Variants in TRPM3 observed in about 807,000 individuals in gnomAD.
TRPM3 encodes long transient receptor potential channel 3.
In TRPM3, 77 loss-of-function variants were observed where a neutral mutation model predicts 181.2. That is an observed-to-expected ratio of 0.42 (90% CI 0.35 to 0.51). TRPM3 has a LOEUF of 0.51. TRPM3 is among the 20% of genes least tolerant of loss of function. The pLI, the probability that TRPM3 is intolerant of heterozygous loss-of-function variation, is 0.01. For synonymous variants in TRPM3, 745 were observed against 796.4 expected, an observed-to-expected ratio of 0.94 and a Z score of 1.09; for missense variants, 1,759 against 2,196.7, an observed-to-expected ratio of 0.80 and a Z score of 3.98.
chr9:70,542,226 T>A (rs1342716960), intron 25 of TRPM3, among the ~76,000 whole-genome samples: 3 of 152,186 alleles, frequency 2.0e-5, no homozygotes, highest in African/African-American at 7.2e-5. Flanking sequence ...GAGAACTGAT[T>A]CTGATCAAAG....
intron 3 of TRPM3, among the ~76,000 whole-genome samples, chr9:70,856,154 G>C (rs1395183621): frequency 1.3e-5 from 2 of 152,178 alleles, no homozygotes; most frequent in Admixed American, 1.3e-4. Context: ...ACATTTTCTA[G>C]ACGCAAAGAT....
At chr9:71,407,160 C>T (rs536811461) in intron 1 of TRPM3, among the ~76,000 whole-genome samples, 6 of 152,284 alleles carry the variant, frequency 3.9e-5, no homozygotes, top group East Asian at 1.9e-4. Context: ...CCAGCATGAG[C>T]GACACAGAAG....
chr9:70,987,497 T>C (rs982304497), intron 1 of TRPM3, among the ~76,000 whole-genome samples: 12 of 152,294 alleles, frequency 7.9e-5, no homozygotes, highest in Admixed American at 3.3e-4. Flanking sequence ...TATGTCTTTT[T>C]CCTAAGGTCT....
chr9:71,108,509 T>C lies in TRPM3; in HGVS notation c.177+12669A>G, dbSNP rs2070279481. 1.3e-5 allele frequency among the ~76,000 whole-genome samples: 2 copies of C among 152,298 alleles called. 1 individual carries two copies. The highest frequency in any genetic ancestry group is 4.8e-5 in the African/African-American group (2 of 41,586). On this transcript the variant is annotated intron_variant, in intron 1 of 25. Transcript: ENST00000677713. ...AGCTAAATAAACAAGGGTCGACATA[T>C]CACCAAACCTTGGTTAATGAGATTT...
At chr9:71,049,900 T>G (rs1325182407) in intron 1 of TRPM3, among the ~76,000 whole-genome samples, 1 of 152,170 alleles carries the variant, frequency 6.6e-6, no homozygotes, top group South Asian at 2.1e-4. Context: ...AATAATAACC[T>G]GCTTCCAAAT....
intron 1 of TRPM3, among the ~76,000 whole-genome samples, chr9:71,032,061 TA>T (rs2057497912): frequency 1.4e-4 from 1 of 7,394 alleles, no homozygotes; most frequent in Non-Finnish European, 1.9e-4. Context: ...ATATATATTA[TA>T]TATATTATAT....
chr9:71,443,954 G>C (rs987918371), intron 1 of TRPM3, among the ~76,000 whole-genome samples: 3 of 152,096 alleles, frequency 2.0e-5, no homozygotes, highest in Admixed American at 2.0e-4. Context: ...GCCAAGGCGG[G>C]CAGATCACGA....
chr9:70,742,035 G>GT (rs1934087816), intron 8 of TRPM3, among the ~76,000 whole-genome samples: 2 of 151,918 alleles, frequency 1.3e-5, no homozygotes, highest in South Asian at 4.1e-4. Flanking sequence ...CTTTCCTTTT[G>GT]TTTTTTAAAG....
At chr9:71,283,334 C>T (rs1337795740) in intron 1 of TRPM3, among the ~76,000 whole-genome samples, 2 of 152,118 alleles carry the variant, frequency 1.3e-5, no homozygotes, top group African/African-American at 4.8e-5. Context: ...CAGAGTTTCG[C>T]TCTGTTGCCC....
At chr9:70,765,934 C>G (rs1037178015) in intron 7 of TRPM3, among the ~76,000 whole-genome samples, 2 of 152,080 alleles carry the variant, frequency 1.3e-5, no homozygotes, top group Admixed American at 1.3e-4. Flanking sequence ...CATCAAAATA[C>G]GGTCATAGTA....
At chr9:70,867,066 C>T (rs563475789) in intron 1 of TRPM3, among the ~76,000 whole-genome samples, 2 of 152,134 alleles carry the variant, frequency 1.3e-5, no homozygotes, top group Admixed American at 1.3e-4. Flanking sequence ...GAGCTGGCTC[C>T]CAGAGACAGG....
chr9:71,111,566 A>G (rs2071106382), intron 1 of TRPM3, among the ~76,000 whole-genome samples: 1 of 152,190 alleles, frequency 6.6e-6, no homozygotes, highest in African/African-American at 2.4e-5. Context: ...GTCCCCCACA[A>G]CAAAGACTTA....
At chr9:71,210,663 G>A (rs887076643) in intron 1 of TRPM3, among the ~76,000 whole-genome samples, 2 of 152,176 alleles carry the variant, frequency 1.3e-5, no homozygotes, top group African/African-American at 4.8e-5. Context: ...CCAAGAACAA[G>A]ATATTGTTGT....
intron 1 of TRPM3, among the ~76,000 whole-genome samples, chr9:71,291,399 G>GT (rs1171024600): frequency 6.6e-6 from 1 of 152,094 alleles, no homozygotes; most frequent in Non-Finnish European, 1.5e-5. Context: ...AAAACCAACT[G>GT]TTTTGCCAGC....
At chr9:70,898,143 G>T (rs1437085998) in intron 1 of TRPM3, among the ~76,000 whole-genome samples, 2 of 151,690 alleles carry the variant, frequency 1.3e-5, no homozygotes, top group South Asian at 2.1e-4. Context: ...GTGGCTGGGG[G>T]ACGGAGTCTG....
chr9:70,558,943 AT>A (rs1462696068), intron 22 of TRPM3, among the ~76,000 whole-genome samples: 1 of 152,258 alleles, frequency 6.6e-6, no homozygotes, highest in African/African-American at 2.4e-5. Flanking sequence ...GAAATAGATG[AT>A]TGGGCTCTGG....
At chr9:70,783,903 AATTT>A in intron 7 of TRPM3, 198 bp downstream of exon 7, 4 of 1,295,458 alleles carry the variant, frequency 3.1e-6, no homozygotes, top group Non-Finnish European at 9.8e-7. Context: ...GCTTTCATAG[AATTT>A]CCCACTTCAC....
intron 1 of TRPM3, among the ~76,000 whole-genome samples, chr9:71,232,351 A>T (rs1262750915): frequency 1.3e-5 from 2 of 152,116 alleles, no homozygotes; most frequent in East Asian, 3.9e-4. Context: ...ACTGAAGCCG[A>T]TATGATTCCA....
intron 1 of TRPM3, among the ~76,000 whole-genome samples, chr9:71,445,252 A>G (rs1469172643): frequency 6.6e-6 from 1 of 152,372 alleles, no homozygotes; most frequent in East Asian, 1.9e-4. Flanking sequence ...TAGACTTCCT[A>G]TTAAAAAGAG....
Sources: allele counts gnomAD v4.1 joint callset (sites outside exome capture counted in the v4.1 genomes callset), GRCh38; gene constraint gnomAD v4.1.1; transcripts MANE v1.5; gene names NCBI Gene and HGNC (gene_info 2026-07-23, HGNC 2026-07-21).